Variants in GPR55 observed in about 807,000 individuals in gnomAD.
GPR55 encodes the protein G protein-coupled receptor 55.
A neutral mutation model predicts 7.9 loss-of-function variants in GPR55; 6 were observed. The observed-to-expected ratio is 0.76, with a 90% CI of 0.41 to 1.49. The LOEUF (loss-of-function observed/expected upper bound fraction) is 1.49, where lower values mean the gene tolerates loss of function less well. GPR55 is among the 40% of genes most tolerant of loss of function. The probability of loss-of-function intolerance (pLI) is 0.01; values close to 1 mark genes in which losing one functional copy is unlikely to be tolerated. For synonymous variants in GPR55, 183 were observed against 166.8 expected (o/e 1.10, Z -0.75); for missense variants, 376 against 406.0 (o/e 0.93, Z 0.63).
chr2:230,930,985 G>A (rs1317372739), intron 1 of GPR55, among the ~76,000 whole-genome samples: 1 of 152,136 alleles, frequency 6.6e-6, no homozygotes, highest in African/African-American at 2.4e-5. Context: ...CTGAGGGGCT[G>A]ACAGGTGAAG....
rs1298983366 is a variant in GPR55 at position 230,944,673 on chromosome 2, GTCACAAATTTACTTTGA to G, written c.-135+16085_-135+16101del. ...TGGAGAGAATATAACTGAATGCTTT[GTCACAAATTTACTTTGA>G]TCTCATGTACCCCGTAAATACAGAC... On this transcript the variant is annotated intron_variant, in intron 1 of 1. Coordinates refer to the GPR55 transcript ENST00000392039. The surrounding 1 kb of genome is among the most constrained non-coding windows in gnomAD (Gnocchi z 4.2). Among the ~76,000 whole-genome samples the G allele has an allele frequency of 6.6e-6, 1 of 152,304 alleles. No individual in the cohort carries two copies. The highest frequency in any genetic ancestry group is 2.1e-4 in the South Asian group (1 of 4,832).
In GPR55 at chr2:230,941,693, G is replaced by A. The variant is rs111472922; in HGVS notation, c.-135+19082C>T. ...ATCCGCAGTGACTCCCTGTCCTTCAGGTCTCAGGTTGAACGTCACTCCCCC... is the reference window on the plus strand; with the variant it reads ...ATCCGCAGTGACTCCCTGTCCTTCAAGTCTCAGGTTGAACGTCACTCCCCC... On this transcript the variant is annotated intron_variant, in intron 1 of 1. Transcript: ENST00000392039. 6.4e-3 allele frequency among the ~76,000 whole-genome samples: 980 copies of A among 152,194 alleles called. 11 individuals are homozygous for A. Among genetic ancestry groups the A allele is most frequent in the African/African-American group, 0.021 (868 of 41,528 alleles).
chr2:230,926,343 G>A (rs972509581), upstream of GPR55, among the ~76,000 whole-genome samples: 1 of 152,182 alleles, frequency 6.6e-6, no homozygotes, highest in Middle Eastern at 3.2e-3. Context: ...GCTCCAGGCC[G>A]TGGAGCCCCA....
rs114384485 is a variant in GPR55, at chr2:230,948,526, C to T, written c.-135+12249G>A. 7.4e-3 allele frequency among the ~76,000 whole-genome samples: 1,124 copies of T among 152,324 alleles called. 11 individuals carry two copies. Among genetic ancestry groups the T allele is most frequent in the African/African-American group, 0.025 (1,034 of 41,568 alleles). On this transcript the variant is annotated intron_variant, in intron 1 of 1. Transcript: ENST00000392039. ...ATATATGGAATAGAACCTACTTTCT[C>T]TCGTTGCCTTTGAGGCTTTGTTTCC... is the stretch of plus-strand genomic sequence containing the variant.
intron 1 of GPR55, among the ~76,000 whole-genome samples, chr2:230,919,677 G>A (rs1690791616): frequency 6.6e-6 from 1 of 152,144 alleles, no homozygotes; most frequent in African/African-American, 2.4e-5. Context: ...TTCACCTTAA[G>A]TAAATTATAT....
intron 1 of GPR55, among the ~76,000 whole-genome samples, chr2:230,916,786 C>A (rs1317589072): frequency 6.6e-6 from 1 of 151,774 alleles, no homozygotes. Flanking sequence ...ATGATGTCTA[C>A]CTTCAAAATT....
rs568202044 is a variant in GPR55, at chr2:230,944,001, G to A, written c.-135+16774C>T. 1.3e-3 allele frequency among the ~76,000 whole-genome samples: 202 copies of A among 152,290 alleles called. No individual in the cohort carries two copies. Among genetic ancestry groups the A allele is most frequent in the African/African-American group, 4.6e-3 (190 of 41,550 alleles). On this transcript the variant is annotated intron_variant, in intron 1 of 1. Transcript: ENST00000392039. The surrounding 1 kb of genome is among the most constrained non-coding windows in gnomAD (Gnocchi z 4.2). ...GCAACATAAGAATGGCCTAACACAGGGTCTGTCTTAGGAAGGGGCCCTCGG... is the reference window on the plus strand; with the variant it reads ...GCAACATAAGAATGGCCTAACACAGAGTCTGTCTTAGGAAGGGGCCCTCGG...
Position 230,910,029 on chromosome 2 carries a change from G to C in GPR55, c.934C>G (p.Gln312Glu). 1 of 1,613,918 alleles carries C rather than the reference G, an allele frequency of 6.2e-7. No homozygotes were observed. Among genetic ancestry groups the C allele is most frequent in the Non-Finnish European group, 8.5e-7 (1 of 1,179,874 alleles). ...HRPSRVQLVL[Q>E]DTTISRG ...TAGCCCCGGGAGATCGTGGTGTCCT[G>C]CAGGACCAGCTGGACCCTGGAAGGC... Residue 312 changes from glutamine to glutamate, a missense_variant, in exon 2 of 2, where the codon CAG (glutamine) becomes GAG (glutamate). Physicochemically the swap from Gln to Glu is conservative, Grantham distance 29. Coordinates refer to ENST00000650999, the MANE Select transcript of GPR55 (RefSeq NM_005683.4). The surrounding 1 kb of genome is among the most constrained non-coding windows in gnomAD (Gnocchi z 5.4).
chr2:230,947,829 T>A (rs944313549), intron 1 of GPR55, among the ~76,000 whole-genome samples: 4 of 152,022 alleles, frequency 2.6e-5, no homozygotes, highest in African/African-American at 9.7e-5. Flanking sequence ...AAAGTACCAT[T>A]GTGTTCAACT....
intron 1 of GPR55, among the ~76,000 whole-genome samples, chr2:230,932,500 T>G (rs912645539): frequency 6.6e-6 from 1 of 151,318 alleles, no homozygotes; most frequent in Admixed American, 6.6e-5. Context: ...AAGTCTTCAG[T>G]GTTCATTAAA....
chr2:230,918,212 T>A (rs1269118170), intron 1 of GPR55, among the ~76,000 whole-genome samples: 2 of 152,156 alleles, frequency 1.3e-5, no homozygotes, highest in Non-Finnish European at 2.9e-5. Context: ...CTCTAACAAC[T>A]ATGATCAAGA....
intron 1 of GPR55, among the ~76,000 whole-genome samples, chr2:230,921,923 C>T (rs1020767500): frequency 8.5e-5 from 13 of 152,206 alleles, no homozygotes; most frequent in African/African-American, 2.7e-4. Flanking sequence ...TGACGTGTTC[C>T]ACCATAAGAC....
intron 1 of GPR55, among the ~76,000 whole-genome samples, chr2:230,937,667 G>A (rs1198108130): frequency 6.6e-6 from 1 of 151,918 alleles, no homozygotes; most frequent in Non-Finnish European, 1.5e-5. Context: ...GATAAATTGT[G>A]ATTATTTGTT....
upstream of GPR55, among the ~76,000 whole-genome samples, chr2:230,928,344 C>A (rs1338043638): frequency 6.6e-6 from 1 of 152,134 alleles, no homozygotes; most frequent in Non-Finnish European, 1.5e-5. Context: ...CTGAGGCAGC[C>A]GGACTCTGAA....
chr2:230,957,540 C>T, intron 1 of GPR55: 2 of 372,900 alleles, frequency 5.4e-6, no homozygotes, highest in East Asian at 7.2e-5. Flanking sequence ...GCCGGTCTTC[C>T]TTCTCCCGCG....
chr2:230,910,861 G>T lies in GPR55; in HGVS notation c.102C>A (p.Gly34=). ...FAVHIPTFVL[G]LLLNLLAIHG... Reference sequence around the variant, plus strand: ...GGATGGCCAGCAGGTTGAGGAGCAGGCCCAGGACGAAGGTGGGGATGTGGA... The same window carrying T: ...GGATGGCCAGCAGGTTGAGGAGCAGTCCCAGGACGAAGGTGGGGATGTGGA... Residue 34 remains glycine (G), a synonymous_variant, in exon 2 of 2, where the codon GGC becomes GGA. Transcript: ENST00000650999. The surrounding 1 kb of genome is among the most constrained non-coding windows in gnomAD (Gnocchi z 5.4). 6.2e-7 allele frequency: 1 copy of T among 1,614,158 alleles called. No individual in the cohort carries two copies. The highest frequency in any genetic ancestry group is 1.3e-5 in the African/African-American group (1 of 75,028).
At chr2:230,948,841 G>T (rs1691355918) in intron 1 of GPR55, among the ~76,000 whole-genome samples, 1 of 152,248 alleles carries the variant, frequency 6.6e-6, no homozygotes, top group African/African-American at 2.4e-5. Flanking sequence ...ACTTTGGGAG[G>T]CAGGGGCAGG....
chr2:230,945,867 G>A (rs1335027209), intron 1 of GPR55, among the ~76,000 whole-genome samples: 5 of 152,282 alleles, frequency 3.3e-5, no homozygotes, highest in African/African-American at 1.2e-4. Flanking sequence ...CACCACGCCC[G>A]GTCTACAGAT....
intron 1 of GPR55, among the ~76,000 whole-genome samples, chr2:230,943,509 C>T (rs1483572214): frequency 6.6e-6 from 1 of 152,210 alleles, no homozygotes; most frequent in Admixed American, 6.5e-5. Context: ...GGGGGCCAAG[C>T]AAGAGAGGCA....
Sources: gnomAD v4.1 joint callset for allele counts (sites outside exome capture counted in the v4.1 genomes callset) on GRCh38, gnomAD v4.1.1 for gene constraint, Gnocchi (gnomAD v3.1) non-coding constraint, MANE v1.5 for transcripts, NCBI Gene and HGNC (gene_info 2026-07-23, HGNC 2026-07-21) for gene names.